The following AAMDC variants were observed in gnomAD, a reference collection of about 807,000 sequenced individuals.
The protein encoded by AAMDC is adipogenesis associated Mth938 domain containing.
A neutral mutation model predicts 15.5 loss-of-function variants in AAMDC; 16 were observed. The ratio of observed to expected loss-of-function variants is 1.03; its 90% CI spans 0.70 to 1.57. The LOEUF is 1.57. Ranked by LOEUF, AAMDC falls within the 40% of genes most tolerant of loss-of-function variation. The probability of loss-of-function intolerance (pLI) is 0.00; values close to 1 mark genes in which losing one functional copy is unlikely to be tolerated. For missense variants in AAMDC, 141 were observed against 144.9 expected, an observed-to-expected ratio of 0.97 and a Z score of 0.14; for synonymous variants, 51 against 51.6, an observed-to-expected ratio of 0.99 and a Z score of 0.05.
intron 5 of AAMDC, among the ~76,000 whole-genome samples, chr11:77,894,715 C>T (rs1223593020): frequency 6.6e-6 from 1 of 152,186 alleles, no homozygotes; most frequent in Non-Finnish European, 1.5e-5. Flanking sequence ...CTAGTATGGT[C>T]TCTATACCTA....
rs35039902 is a variant in AAMDC at position 77,869,735 on chromosome 11, T to C, written c.146T>C (p.Val49Ala). ...TTCCACATCCAGCATTCTCCTGGTG[T>C]GCAGCCTGCAGATGTGAAGGAAGTT... ...RETGTEHSPG[V>A]QPADVKEVVE... Residue 49 changes from valine (V) to alanine (A), a missense_variant, in exon 3 of 4, where the codon GTG becomes GCG. By Grantham distance (64) the Val-to-Ala change is moderately conservative. Transcript: ENST00000393427. The C allele has an allele frequency of 1.4e-4, 227 of 1,613,916 alleles. No individual in the cohort carries two copies. In the African/African-American group the frequency reaches 2.7e-3, roughly 19 times the overall value.
intron 3 of AAMDC, among the ~76,000 whole-genome samples, chr11:77,870,333 T>A (rs1034408111): frequency 7.4e-6 from 1 of 135,622 alleles, no homozygotes; most frequent in Admixed American, 7.3e-5. Flanking sequence ...TTTTTAATTT[T>A]TTTTTTTTTT....
intron 2 of AAMDC, among the ~76,000 whole-genome samples, chr11:77,858,088 A>G (rs1201652839): frequency 3.3e-5 from 5 of 151,600 alleles, no homozygotes; most frequent in African/African-American, 1.2e-4. Flanking sequence ...GTATGATCAT[A>G]TTTCACTATA....
At chr11:77,823,572 T>C (rs1349847591) in intron 1 of AAMDC, among the ~76,000 whole-genome samples, 1 of 130,206 alleles carries the variant, frequency 7.7e-6, no homozygotes, top group African/African-American at 3.0e-5. Flanking sequence ...TGTAATCCCA[T>C]GTAGTTGCCA....
At chr11:77,868,363 T>A (rs1422585445) in intron 2 of AAMDC, among the ~76,000 whole-genome samples, 1 of 147,222 alleles carries the variant, frequency 6.8e-6, no homozygotes, top group African/African-American at 2.5e-5. Flanking sequence ...CCGCCTTTTT[T>A]TTTTTTTTTT....
chr11:77,872,070 C>T (rs551492030), intron 3 of AAMDC, 105 bp from the exon 4 acceptor site: 15 of 1,278,248 alleles, frequency 1.2e-5, no homozygotes, highest in African/African-American at 7.6e-5. Flanking sequence ...CGTGAAGTGA[C>T]GATTGTCACT....
chr11:77,833,009 A>AT (rs781247642), intron 1 of AAMDC, among the ~76,000 whole-genome samples: 3,741 of 60,004 alleles, frequency 0.062, 760 homozygotes, highest in African/African-American at 0.14. Flanking sequence ...ATATATATAT[A>AT]TTTTTTTTTT....
At chr11:77,879,660 T>G (rs1951717594) in intron 5 of AAMDC, among the ~76,000 whole-genome samples, 1 of 152,198 alleles carries the variant, frequency 6.6e-6, no homozygotes, top group Admixed American at 6.5e-5. Flanking sequence ...AACATCTCAT[T>G]CTTTCATTAC....
intron 3 of AAMDC, 28 bp from the exon 4 acceptor site, chr11:77,872,147 C>T (rs1951459073): frequency 6.9e-6 from 11 of 1,604,578 alleles, no homozygotes; most frequent in Non-Finnish European, 8.5e-6. Context: ...TTTCCCCCTA[C>T]TTACTCATCT....
chr11:77,866,781 A>G (rs2136284583), intron 2 of AAMDC: 1 of 152,250 alleles, frequency 6.6e-6, no homozygotes, highest in Non-Finnish European at 1.5e-5. Context: ...TATGTAAGAC[A>G]TTATTATTAC....
intron 2 of AAMDC, among the ~76,000 whole-genome samples, chr11:77,853,816 C>T (rs1261829356): frequency 6.6e-6 from 1 of 151,888 alleles, no homozygotes; most frequent in African/African-American, 2.4e-5. Flanking sequence ...TGGTGCACCC[C>T]TGTAATCCCA....
downstream of AAMDC, among the ~76,000 whole-genome samples, chr11:77,872,706 G>A (rs1459808274): frequency 6.6e-6 from 1 of 152,142 alleles, no homozygotes; most frequent in East Asian, 1.9e-4. Context: ...CCAACACTTT[G>A]GGAGGCCGAG....
intron 1 of AAMDC, among the ~76,000 whole-genome samples, chr11:77,835,455 T>C (rs1203019460): frequency 7.4e-6 from 1 of 134,738 alleles, no homozygotes; most frequent in African/African-American, 3.0e-5. Flanking sequence ...CCACTATGCT[T>C]TGGGGTATGT....
At chr11:77,828,534 G>T (rs774760763) in intron 1 of AAMDC, among the ~76,000 whole-genome samples, 6 of 151,682 alleles carry the variant, frequency 4.0e-5, no homozygotes, top group Non-Finnish European at 5.9e-5. Context: ...AGCCGGGTGG[G>T]GTAGTGGGCG....
At chr11:77,841,001 T>C (rs1411052181) in intron 1 of AAMDC, 14 of 515,306 alleles carry the variant, frequency 2.7e-5, no homozygotes, top group Non-Finnish European at 4.8e-5. Context: ...ATAATGAAAA[T>C]AATTTTTTTT....
intron 5 of AAMDC, chr11:77,878,582 C>CTA: frequency 1.8e-6 from 1 of 549,860 alleles, no homozygotes; most frequent in Non-Finnish European, 3.2e-6. Flanking sequence ...AGAAATAAGA[C>CTA]TATAGCTCAA....
chr11:77,853,435 A>G (rs1007310858), intron 2 of AAMDC, among the ~76,000 whole-genome samples: 8 of 152,054 alleles, frequency 5.3e-5, no homozygotes, highest in Non-Finnish European at 1.0e-4. Flanking sequence ...GGGAGGTGCT[A>G]TATACTTTTA....
intron 5 of AAMDC, among the ~76,000 whole-genome samples, chr11:77,882,278 A>G (rs527301097): frequency 2.4e-4 from 36 of 152,266 alleles, no homozygotes; most frequent in African/African-American, 7.5e-4. Flanking sequence ...GAAGTCTGCA[A>G]TGAACTAGGA....
intron 1 of AAMDC, among the ~76,000 whole-genome samples, chr11:77,827,751 T>C (rs996775715): frequency 1.3e-5 from 2 of 152,142 alleles, no homozygotes; most frequent in Non-Finnish European, 2.9e-5. Flanking sequence ...TTTAATATTA[T>C]ACTGGAGGTT....
Sources: gnomAD v4.1 joint callset for allele counts (sites outside exome capture counted in the v4.1 genomes callset) on GRCh38, gnomAD v4.1.1 for gene constraint, MANE v1.5 for transcripts, NCBI Gene and HGNC (gene_info 2026-07-23, HGNC 2026-07-21) for gene names.